MYBBP1A: variants seen among roughly 807,000 people sequenced by gnomAD.
The protein encoded by MYBBP1A is MYB binding protein 1a, also known as myb-binding protein 1A.
Under a neutral mutation model 136.3 loss-of-function variants are expected in MYBBP1A, and 147 were observed. The observed-to-expected ratio is 1.08, with a 90% CI of 0.94 to 1.24. The LOEUF (loss-of-function observed/expected upper bound fraction) is 1.24. Among genes scored for constraint, MYBBP1A ranks in the 50% most tolerant of loss-of-function variants. The pLI is 0.00. For missense variants in MYBBP1A, 2,060 were observed against 1,727.4 expected, an observed-to-expected ratio of 1.19 and a Z score of -3.41; for synonymous variants, 947 against 735.8, an observed-to-expected ratio of 1.29 and a Z score of -4.65.
Position 4,548,971 on chromosome 17 carries a change from A to T in MYBBP1A, c.1431-322T>A, listed in dbSNP as rs1248715206. Among the ~76,000 whole-genome samples, 1 of 152,236 alleles carries T rather than the reference A, an allele frequency of 6.6e-6. No homozygotes were observed. Among genetic ancestry groups the T allele is most frequent in the Non-Finnish European group, 1.5e-5 (1 of 68,036 alleles). ...AAGTCAGGTCACTGCTCCTGCGAAC[A>T]TGGGACAGCCCCCTCTTGCAACCGT... On this transcript the variant is annotated intron_variant, in intron 10 of 25. Transcript: ENST00000254718. The surrounding 1 kb of genome is among the most constrained non-coding windows in gnomAD (Gnocchi z 4.2).
intron 17 of MYBBP1A, 45 bp from the exon 18 acceptor site, chr17:4,544,966 C>G: frequency 6.4e-7 from 1 of 1,564,614 alleles, no homozygotes; most frequent in Non-Finnish European, 8.7e-7. Flanking sequence ...CGGGCAGGCA[C>G]ACAACATGGG....
At chr17:4,554,473 G>C (rs940284888) in intron 2 of MYBBP1A, among the ~76,000 whole-genome samples, 195 bp from the exon 3 acceptor site, 3 of 152,028 alleles carry the variant, frequency 2.0e-5, no homozygotes, top group African/African-American at 4.8e-5. Flanking sequence ...CTCTCCGCAC[G>C]TGGTCTGAGC....
intron 25 of MYBBP1A, 101 bp downstream of exon 25, chr17:4,540,234 ATGCGTGTGCAGTG>A (rs200442108): frequency 0.012 from 17,328 of 1,388,314 alleles, 264 homozygotes; most frequent in African/African-American, 0.069. Flanking sequence ...GTGCAGCAGC[ATGCGTGTGCAGTG>A]TGCGTGTGCA....
At chr17:4,547,655 A>C in intron 13 of MYBBP1A, 1 of 320,334 alleles carries the variant, frequency 3.1e-6, no homozygotes, top group Non-Finnish European at 5.7e-6. Flanking sequence ...AGCAGGGGGT[A>C]CAGTGCAAGC....
chr17:4,542,977 A>C lies in MYBBP1A; in HGVS notation c.2828T>G (p.Val943Gly), dbSNP rs1421387463. The C allele has an allele frequency of 6.2e-7, 1 of 1,614,042 alleles. No individual in the cohort carries two copies. The highest frequency in any genetic ancestry group is 8.5e-7 in the Non-Finnish European group (1 of 1,179,992). Residue 943 changes from valine to glycine, a missense_variant, in exon 20 of 26, where the codon GTG (valine) becomes GGG (glycine). Coordinates refer to ENST00000254718, the MANE Select transcript of MYBBP1A (RefSeq NM_014520.4). The stretch of plus-strand genomic sequence containing the variant: ...TTTCTGCTTCTCCTGTGTCTCATGC[A>C]CGCAGCCCTCAGCAGTGTTGCCCTT... ...VLKGNTAEGCVHETQEKQKAG... is the reference protein window; with the variant it reads ...VLKGNTAEGCGHETQEKQKAG...
At chr17:4,547,758 A>C (rs566131839) in intron 13 of MYBBP1A, 200 bp downstream of exon 13, 2 of 491,710 alleles carry the variant, frequency 4.1e-6, no homozygotes, top group Non-Finnish European at 7.1e-6. Context: ...CTGCATGGAA[A>C]GCCTAGGACA....
rs767432661 is a variant in MYBBP1A at position 4,554,258 on chromosome 17, G to T, written c.315C>A (p.Asp105Glu). The T allele has an allele frequency of 6.2e-7, 1 of 1,613,934 alleles. No individual in the cohort carries two copies. The highest frequency in any genetic ancestry group is 8.5e-7 in the Non-Finnish European group (1 of 1,180,012). Residue 105 changes from aspartate to glutamate, a missense_variant, in exon 3 of 26, where the codon GAC (aspartate) becomes GAA (glutamate). By Grantham distance (45) the Asp-to-Glu change is conservative. Transcript: ENST00000254718. ...GCTGCAGGATGCTGCACAAGGGGAG[G>T]TCTTCAAAAGACTGTAACAGCTGCC... ...ALAQLLQSFE[D>E]LPLCSILQQI... is the part of the protein sequence containing the mutation.
Position 4,550,131 on chromosome 17 carries a change from G to T in MYBBP1A, c.1246C>A (p.Gln416Lys). ...TCAACCAAGGAGTCCAGGTCTGGCT[G>T]GAGAAACATGGCCCGCAGCCAGGCC... is the stretch of plus-strand genomic sequence containing the variant. ...YVAWLRAMFL[Q>K]PDLDSLVDFS... Residue 416 changes from glutamine to lysine, a missense_variant, in exon 9 of 26, where the codon CAG (glutamine) becomes AAG (lysine). Transcript: ENST00000254718. 3.7e-6 allele frequency: 6 copies of T among 1,614,062 alleles called. No individual in the cohort carries two copies. Among genetic ancestry groups the T allele is most frequent in the Non-Finnish European group, 5.1e-6 (6 of 1,180,042 alleles).
At position 4,545,867 on chromosome 17, in the gene MYBBP1A, G is replaced by A. The variant is rs368947627; in HGVS notation, c.1900C>T (p.Arg634Trp). ...IRKSLGEKPR[R>W]SRTKTIDPQE... is the part of the protein sequence containing the mutation. The stretch of plus-strand genomic sequence containing the variant: ...CCACCGATGGTCTTGGTGCGGCTCC[G>A]GCGGGGCTTCTCTCCCAGACTTTTC... The change falls in exon 14 of 26, where the codon CGG becomes TGG. Residue 634 changes from arginine to tryptophan, a missense_variant. Arg to Trp is a moderately radical substitution (Grantham distance 101). Coordinates refer to ENST00000254718, the MANE Select transcript of MYBBP1A (RefSeq NM_014520.4). The A allele has an allele frequency of 8.6e-5, 138 of 1,613,150 alleles. No homozygotes were observed. The highest frequency in any genetic ancestry group is 1.1e-4 in the South Asian group (10 of 91,050).
At chr17:4,540,634 TC>T (rs1906327400) in intron 24 of MYBBP1A, 150 bp from the exon 25 acceptor site, 1 of 1,004,498 alleles carries the variant, frequency 1.0e-6, no homozygotes, top group Non-Finnish European at 1.4e-6. Context: ...TGTTAAGTCA[TC>T]CGTGTCTCTT....
At position 4,538,969 on chromosome 17, in the gene MYBBP1A, TCA is replaced by T. The variant is rs1491432050; in HGVS notation, c.*444_*445del. 3.3e-5 allele frequency: 26 copies of T among 790,216 alleles called. 1 individual carries two copies. Among genetic ancestry groups the T allele is most frequent in the Non-Finnish European group, 5.4e-5 (23 of 426,622 alleles). 49.0% of individuals were successfully genotyped at this position (790,216 alleles called of 1,614,324 possible). On this transcript the variant is annotated 3_prime_UTR_variant, in exon 26 of 26. Transcript: ENST00000254718. ...TTTTTAGAGCTGCTGATTGTGAATC[TCA>T]GAGTCTTAAGAGAGAAGCCAAATAT...
chr17:4,540,394 G>T lies in MYBBP1A; in HGVS notation c.3388C>A (p.Arg1130Ser), dbSNP rs138042708. 3.4e-5 allele frequency: 55 copies of T among 1,610,234 alleles called. No homozygotes were observed. Among genetic ancestry groups the T allele is most frequent in the Non-Finnish European group, 4.5e-5 (53 of 1,179,806 alleles). The stretch of plus-strand genomic sequence containing the variant: ...GCCTGCCAGTAGAGGTCGTGCAGGC[G>T]GCTGGAGCCGGTGGAGTGTGCCCCC... ...QQGAHSTGSSRLHDLYWQAMK... is the reference protein window; with the variant it reads ...QQGAHSTGSSSLHDLYWQAMK... Residue 1130 changes from arginine (R) to serine (S), a missense_variant, in exon 25 of 26, where the codon CGC (arginine) becomes AGC (serine). Transcript: ENST00000254718.
intron 19 of MYBBP1A, among the ~76,000 whole-genome samples, chr17:4,543,543 C>T (rs771479811): frequency 5.5e-4 from 84 of 152,026 alleles, no homozygotes; most frequent in African/African-American, 1.9e-3. Flanking sequence ...CCTGCAGGGC[C>T]GGGGATATAA....
chr17:4,546,966 C>CA (rs1269168730), intron 13 of MYBBP1A, among the ~76,000 whole-genome samples: 2 of 149,940 alleles, frequency 1.3e-5, no homozygotes, highest in Non-Finnish European at 3.0e-5. Context: ...GGCTGGAGTA[C>CA]AGTGGTGTCA....
chr17:4,551,978 G>A lies in MYBBP1A; in HGVS notation c.925C>T (p.Leu309=), dbSNP rs992686623. 8.1e-6 allele frequency: 13 copies of A among 1,610,234 alleles called. No individual in the cohort carries two copies. The highest frequency in any genetic ancestry group is 1.1e-5 in the Non-Finnish European group (13 of 1,177,350). ...WPASYLCFRL[L]GAALPLLTKE... is the part of the protein sequence containing the mutation. ...GTCAGCAGGGGCAGGGCCGCGCCCA[G>A]CAGGCGGAAACACAGGTAGCTAAAG... Residue 309 remains leucine, a synonymous_variant, in exon 8 of 26, where the codon CTG becomes TTG. Coordinates refer to ENST00000254718, the MANE Select transcript of MYBBP1A (RefSeq NM_014520.4).
Position 4,545,841 on chromosome 17 carries a change from C to A in MYBBP1A, c.1921+5G>T. 1 of 1,612,850 alleles carries A rather than the reference C, an allele frequency of 6.2e-7. No individual in the cohort carries two copies. Among genetic ancestry groups the A allele is most frequent in the Non-Finnish European group, 8.5e-7 (1 of 1,179,824 alleles). ...CTCTAGTCCCTCTCGTGACCAAGGA[C>A]CCACCGATGGTCTTGGTGCGGCTCC... On this transcript the variant is annotated splice_donor_5th_base_variant and intron_variant, in intron 14 of 25. Coordinates refer to ENST00000254718, the MANE Select transcript of MYBBP1A (RefSeq NM_014520.4).
intron 8 of MYBBP1A, 35 bp from the exon 9 acceptor site, chr17:4,550,388 C>T (rs1442647949): frequency 6.3e-7 from 1 of 1,575,484 alleles, no homozygotes; most frequent in African/African-American, 1.4e-5. Flanking sequence ...AGCCCACCAG[C>T]CCAGGGGGGC....
In MYBBP1A at chr17:4,552,767, C is replaced by T. The variant is rs1287545944; in HGVS notation, c.562-141G>A. 1 of 769,274 alleles carries T rather than the reference C, an allele frequency of 1.3e-6. No homozygotes were observed. Among genetic ancestry groups the T allele is most frequent in the East Asian group, 2.8e-5 (1 of 36,270 alleles). 47.7% of individuals were successfully genotyped at this position (769,274 alleles called of 1,614,324 possible). On this transcript the variant is annotated intron_variant, in intron 5 of 25. Coordinates refer to ENST00000254718, the MANE Select transcript of MYBBP1A (RefSeq NM_014520.4). This position sits in a 1 kb window ranked among gnomAD's most constrained non-coding sequence, Gnocchi z 4.7. ...CAGTTGCTAACAAAACTCAAATTCCCAGGCAGCGGGGTTTTTGACAAGCAT... is the reference window on the plus strand; with the variant it reads ...CAGTTGCTAACAAAACTCAAATTCCTAGGCAGCGGGGTTTTTGACAAGCAT...
In MYBBP1A at chr17:4,541,773, C is replaced by T. The variant is rs1381242184; in HGVS notation, c.3195+11G>A. ...TGAGGGGGTGGGGAAAGGGCGCCCC[C>T]CGGCTGTTACCTCGGTGACCTTTGC... On this transcript the variant is annotated intron_variant, in intron 23 of 25. Transcript: ENST00000254718. The T allele has an allele frequency of 1.9e-6, 3 of 1,612,248 alleles. No homozygotes were observed. The South Asian group carries it at 3.3e-5, about 18-fold the overall frequency.
Sources: gnomAD v4.1 joint callset for allele counts (sites outside exome capture counted in the v4.1 genomes callset) on GRCh38, gnomAD v4.1.1 for gene constraint, Gnocchi (gnomAD v3.1) non-coding constraint, MANE v1.5 for transcripts, NCBI Gene and HGNC (gene_info 2026-07-23, HGNC 2026-07-21) for gene names.